Variants in PTRH2 observed in about 807,000 individuals in gnomAD.
PTRH2 encodes the protein peptidyl-tRNA hydrolase 2.
PTRH2 carries 10 observed loss-of-function variants against 12.3 expected under a neutral mutation model. The observed-to-expected ratio is 0.81, with a 90% CI of 0.50 to 1.38. The LOEUF is 1.38. Ranked by LOEUF, PTRH2 falls within the 40% of genes most tolerant of loss-of-function variation. PTRH2 has a pLI of 0.00. For missense variants in PTRH2, 176 were observed against 214.1 expected (o/e 0.82, Z 1.11); for synonymous variants, 73 against 77.4 (o/e 0.94, Z 0.30).
intron 1 of PTRH2, among the ~76,000 whole-genome samples, chr17:59,702,924 G>A (rs947921870): frequency 3.9e-5 from 6 of 152,066 alleles, no homozygotes; most frequent in Non-Finnish European, 5.9e-5. Flanking sequence ...CCTATTGTAC[G>A]CTAATAAATT....
chr17:59,704,900 G>C (rs183950590), intron 1 of PTRH2, among the ~76,000 whole-genome samples: 1 of 151,926 alleles, frequency 6.6e-6, no homozygotes, highest in African/African-American at 2.4e-5. Context: ...CAATTCTCCC[G>C]CCTCAGCCTC....
In PTRH2 at chr17:59,703,099, C is replaced by T. The variant is rs139584996; in HGVS notation, c.-1+4272G>A. ...GAGTGATCATAGCTCACTGCAGCCT[C>T]GAACTCCTGAGCTCAAGCAATCCTC... is the stretch of plus-strand genomic sequence containing the variant. On this transcript the variant is annotated intron_variant, in intron 1 of 1. Coordinates refer to ENST00000393038, the MANE Select transcript of PTRH2 (RefSeq NM_016077.5). Among the ~76,000 whole-genome samples, 379 of 152,212 alleles carry T rather than the reference C, an allele frequency of 2.5e-3. 14 individuals carry two copies. The East Asian group carries it at 0.062, about 25-fold the overall frequency.
chr17:59,698,069 A>T lies in PTRH2; in HGVS notation c.1-91T>A, dbSNP rs186332849. 238 of 1,331,844 alleles carry T rather than the reference A, an allele frequency of 1.8e-4. 1 individual carries two copies. The African/African-American group carries it at 3.1e-3, about 17-fold the overall frequency. 82.5% of individuals were successfully genotyped at this position (1,331,844 alleles called of 1,614,324 possible). A position where few individuals can be genotyped will look rare whatever the true frequency, so the allele number is the denominator to read the frequency against. On this transcript the variant is annotated intron_variant, in intron 1 of 1. Transcript: ENST00000393038. The stretch of plus-strand genomic sequence containing the variant: ...AGAGAAACATTTTGACTATACACTT[A>T]ATGGTCATCCAGAAAAAAGGCAAAA...
chr17:59,700,860 G>C (rs1380052702), intron 1 of PTRH2: 1 of 152,196 alleles, frequency 6.6e-6, no homozygotes, highest in Non-Finnish European at 1.5e-5. Context: ...TTGAAGGCAG[G>C]AAAGTATTCC....
Position 59,697,504 on chromosome 17 carries a change from G to A in PTRH2, c.475C>T (p.Leu159=). ...TQIAPGSQTV[L]GIGPGPADLI... is the part of the protein sequence containing the mutation. ...TCTGCTGGTCCTGGCCCAATCCCTA[G>A]GACAGTTTGAGAGCCTGGTGCAATC... Residue 159 remains leucine, a synonymous_variant, in exon 2 of 2, where the codon CTA becomes TTA. Coordinates refer to ENST00000393038, the MANE Select transcript of PTRH2 (RefSeq NM_016077.5). The A allele has an allele frequency of 2.5e-6, 4 of 1,614,132 alleles. No individual in the cohort carries two copies. The highest frequency in any genetic ancestry group is 2.5e-6 in the Non-Finnish European group (3 of 1,180,014).
At chr17:59,706,713 G>A (rs2033676384) in intron 1 of PTRH2, among the ~76,000 whole-genome samples, 1 of 147,354 alleles carries the variant, frequency 6.8e-6, no homozygotes, top group South Asian at 2.1e-4. Context: ...TCACTCTGTC[G>A]CCCAGGCTGG....
intron 1 of PTRH2, among the ~76,000 whole-genome samples, chr17:59,703,943 G>GAC (rs1466120787): frequency 6.6e-6 from 1 of 151,622 alleles, no homozygotes; most frequent in Non-Finnish European, 1.5e-5. Flanking sequence ...AAGTAGGTGG[G>GAC]ACTTCAGGCA....
intron 1 of PTRH2, among the ~76,000 whole-genome samples, chr17:59,702,910 T>G (rs2033579411): frequency 6.6e-6 from 1 of 152,238 alleles, no homozygotes. Context: ...TTAGATGATT[T>G]TGCCCTATTG....
At chr17:59,699,368 A>C (rs2033514450) in intron 1 of PTRH2, 1 of 157,686 alleles carries the variant, frequency 6.3e-6, no homozygotes, top group African/African-American at 2.4e-5. Flanking sequence ...TAATTATCCT[A>C]TGCAGCTGTT....
intron 1 of PTRH2, among the ~76,000 whole-genome samples, chr17:59,705,154 CT>C (rs1432497293): frequency 6.6e-6 from 1 of 152,232 alleles, no homozygotes; most frequent in African/African-American, 2.4e-5. Context: ...AGACTCCAAA[CT>C]GAACAAATAT....
chr17:59,697,834 G>A lies in PTRH2; in HGVS notation c.145C>T (p.His49Tyr). 6.2e-7 allele frequency: 1 copy of A among 1,614,180 alleles called. No individual in the cohort carries two copies. The change falls in exon 2 of 2, where the codon CAC (histidine) becomes TAC (tyrosine). Residue 49 changes from histidine to tyrosine, a missense_variant. His to Tyr is a moderately conservative substitution (Grantham distance 83). Transcript: ENST00000393038. Reference protein sequence around the residue: ...MLPKSKTSKTHTDTESEASIL... With the variant: ...MLPKSKTSKTYTDTESEASIL... ...CTTGCTTCACTTTCAGTATCTGTGT[G>A]TGTCTTGCTCGTCTTGCTTTTGGGG...
Position 59,707,371 on chromosome 17 carries a change from C to T in PTRH2, c.-1G>A, listed in dbSNP as rs2033705332. On this transcript the variant is annotated splice_region_variant and 5_prime_UTR_variant, in exon 1 of 2. Transcript: ENST00000393038. The stretch of plus-strand genomic sequence containing the variant: ...CCCTGTAAGGAGCCAACCAACCTAC[C>T]TACAGTACCTCCTTTCCTCACTCGC... 1.3e-5 allele frequency: 2 copies of T among 152,672 alleles called. No homozygotes were observed. The highest frequency in any genetic ancestry group is 4.1e-4 in the South Asian group (2 of 4,828). 9.5% of individuals were successfully genotyped at this position (152,672 alleles called of 1,614,324 possible). A position where few individuals can be genotyped will look rare whatever the true frequency, so the allele number is the denominator to read the frequency against.
At chr17:59,704,417 C>G (rs2143650631) in intron 1 of PTRH2, among the ~76,000 whole-genome samples, 1 of 152,164 alleles carries the variant, frequency 6.6e-6, no homozygotes, top group Non-Finnish European at 1.5e-5. Context: ...GATATATCAG[C>G]TTAAAGGACA....
chr17:59,698,711 T>C (rs891737000), intron 1 of PTRH2: 1 of 578,198 alleles, frequency 1.7e-6, no homozygotes, highest in Non-Finnish European at 3.1e-6. Context: ...CAGAATATCA[T>C]GACTTAGCCT....
At chr17:59,702,421 C>T (rs766110167) in intron 1 of PTRH2, among the ~76,000 whole-genome samples, 11 of 152,176 alleles carry the variant, frequency 7.2e-5, no homozygotes, top group African/African-American at 1.9e-4. Flanking sequence ...CTAATGCTGT[C>T]GCTAATTAGA....
chr17:59,702,596 G>A (rs1442596725), intron 1 of PTRH2, among the ~76,000 whole-genome samples: 1 of 152,210 alleles, frequency 6.6e-6, no homozygotes, highest in African/African-American at 2.4e-5. Flanking sequence ...GTTGGCAATA[G>A]ATACAGGGAG....
At chr17:59,706,696 C>T (rs1394486573) in intron 1 of PTRH2, among the ~76,000 whole-genome samples, 1 of 146,340 alleles carries the variant, frequency 6.8e-6, no homozygotes, top group Non-Finnish European at 1.5e-5. Context: ...TTTTCTGAGA[C>T]GAAGTCTCAC....
intron 1 of PTRH2, among the ~76,000 whole-genome samples, chr17:59,706,504 G>GAA (rs1320555446): frequency 6.6e-6 from 1 of 150,740 alleles, no homozygotes; most frequent in Admixed American, 6.6e-5. Context: ...GTTTACAACC[G>GAA]AAAAAAACAA....
At chr17:59,698,984 T>G (rs1390820499) in intron 1 of PTRH2, 2 of 685,978 alleles carry the variant, frequency 2.9e-6, no homozygotes, top group East Asian at 2.7e-5. Flanking sequence ...CTCTCTCTTC[T>G]GATGAACATC....
Sources: allele counts gnomAD v4.1 joint callset (sites outside exome capture counted in the v4.1 genomes callset), GRCh38; gene constraint gnomAD v4.1.1; transcripts MANE v1.5; gene names NCBI Gene and HGNC (gene_info 2026-07-23, HGNC 2026-07-21).